NPAS2: variants seen among roughly 807,000 people sequenced by gnomAD.
NPAS2 encodes neuronal PAS domain-containing protein 2.
A neutral mutation model predicts 107.5 loss-of-function variants in NPAS2; 23 were observed. The ratio of observed to expected loss-of-function variants is 0.21; its 90% CI spans 0.15 to 0.30. The LOEUF is 0.30. Ranked by LOEUF, NPAS2 falls within the 10% of genes least tolerant of loss-of-function variation. The probability of loss-of-function intolerance (pLI) is 1.00; values close to 1 mark genes in which losing one functional copy is unlikely to be tolerated. For missense variants in NPAS2, 756 were observed against 1,043.3 expected, an observed-to-expected ratio of 0.72 and a Z score of 3.79; for synonymous variants, 403 against 417.5, an observed-to-expected ratio of 0.97 and a Z score of 0.42.
chr2:100,819,114 T>A (rs1449755997), upstream of NPAS2, among the ~76,000 whole-genome samples: 1 of 151,968 alleles, frequency 6.6e-6, no homozygotes, highest in African/African-American at 2.4e-5. This position sits in a 1 kb window ranked among gnomAD's most constrained non-coding sequence, Gnocchi z 5.8. Context: ...CTCCAGCTTC[T>A]TTTTCTTGGA....
At position 100,964,120 on chromosome 2, in the gene NPAS2, G is replaced by A; in HGVS notation, c.661G>A (p.Gly221Arg). The part of the protein sequence containing the change: ...TLSRPCRVPL[G>R]KEVCFIATVR... ...TTCAAGACCTTGCCGGGTGCCACTAGGAAAGGAGGTTTGCTTCATTGCCAC... is the reference window on the plus strand; with the variant it reads ...TTCAAGACCTTGCCGGGTGCCACTAAGAAAGGAGGTTTGCTTCATTGCCAC... Residue 221 changes from glycine (G) to arginine (R), a missense_variant, in exon 8 of 21, where the codon GGA becomes AGA. By Grantham distance (125) the Gly-to-Arg change is moderately radical (BLOSUM62 -2). Coordinates refer to ENST00000335681, the MANE Select transcript of NPAS2 (RefSeq NM_002518.4). The A allele has an allele frequency of 1.2e-6, 2 of 1,614,164 alleles. No homozygotes were observed. The highest frequency in any genetic ancestry group is 1.1e-5 in the South Asian group (1 of 91,086).
At chr2:100,867,066 CCT>C (rs1224210348) in intron 1 of NPAS2, among the ~76,000 whole-genome samples, 4 of 152,142 alleles carry the variant, frequency 2.6e-5, no homozygotes, top group Admixed American at 6.6e-5. Context: ...CTCCAAATCC[CCT>C]GTTAGGAGGA....
chr2:100,905,668 C>G (rs939088229), intron 2 of NPAS2, among the ~76,000 whole-genome samples: 1 of 152,174 alleles, frequency 6.6e-6, no homozygotes, highest in Non-Finnish European at 1.5e-5. Flanking sequence ...AGCCTCCTTG[C>G]TGTGATCTCA....
At chr2:100,918,236 A>C (rs1464806383) in intron 2 of NPAS2, among the ~76,000 whole-genome samples, 1 of 152,100 alleles carries the variant, frequency 6.6e-6, no homozygotes, top group African/African-American at 2.4e-5. Context: ...ACATCTATTC[A>C]TGAAATAAAA....
At chr2:100,854,856 C>T (rs891366570) in intron 1 of NPAS2, among the ~76,000 whole-genome samples, 11 of 152,192 alleles carry the variant, frequency 7.2e-5, no homozygotes, top group African/African-American at 2.7e-4. Flanking sequence ...CAGCTGTGCA[C>T]AGTGTGGCTA....
chr2:100,939,572 G>A (rs1674457888), intron 5 of NPAS2, among the ~76,000 whole-genome samples: 1 of 152,206 alleles, frequency 6.6e-6, no homozygotes, highest in Non-Finnish European at 1.5e-5. Context: ...TCTGAGGACA[G>A]AAGAGGAGCT....
At chr2:100,975,368 A>G (rs2105232030) in intron 13 of NPAS2, 90 bp from the exon 14 acceptor site, 1 of 1,130,702 alleles carries the variant, frequency 8.8e-7, no homozygotes, top group Non-Finnish European at 1.3e-6. Context: ...GAGCTCTTGT[A>G]CTGTGCACAC....
At chr2:100,959,110 C>CAAAAAACAA (rs755776689) in intron 7 of NPAS2, among the ~76,000 whole-genome samples, 2,175 of 69,344 alleles carry the variant, frequency 0.031, 42 homozygotes, top group African/African-American at 0.054. Flanking sequence ...AAAAAAAAAA[C>CAAAAAACAA]AAAACTAAAA....
chr2:100,957,104 A>G (rs1464133613), intron 7 of NPAS2, among the ~76,000 whole-genome samples: 1 of 152,206 alleles, frequency 6.6e-6, no homozygotes, highest in Non-Finnish European at 1.5e-5. Flanking sequence ...TTTGCCACAG[A>G]TGTTCTGGGG....
At chr2:100,851,450 C>T (rs1177820732) in intron 1 of NPAS2, among the ~76,000 whole-genome samples, 1 of 152,210 alleles carries the variant, frequency 6.6e-6, no homozygotes, top group African/African-American at 2.4e-5. Flanking sequence ...ACTCTGAATG[C>T]CGTCATTCTG....
chr2:100,971,128 C>T, intron 12 of NPAS2, 54 bp downstream of exon 12: 1 of 1,503,454 alleles, frequency 6.7e-7, no homozygotes, highest in Non-Finnish European at 9.3e-7. Flanking sequence ...GAAGAAAATG[C>T]AGCCAACCAG....
At chr2:100,900,837 A>ATTTTC (rs954330708) in intron 1 of NPAS2, among the ~76,000 whole-genome samples, 2 of 151,492 alleles carry the variant, frequency 1.3e-5, no homozygotes, top group African/African-American at 2.4e-5. Flanking sequence ...GCCGATGGTG[A>ATTTTC]TTTTCTTTTC....
At chr2:100,832,205 G>T (rs1676785885) in intron 1 of NPAS2, among the ~76,000 whole-genome samples, 1 of 152,180 alleles carries the variant, frequency 6.6e-6, no homozygotes, top group Non-Finnish European at 1.5e-5. Flanking sequence ...GAAGAACTGT[G>T]CTGATTCCTG....
chr2:100,870,062 G>A (rs939556822), intron 1 of NPAS2, among the ~76,000 whole-genome samples: 2 of 151,784 alleles, frequency 1.3e-5, no homozygotes, highest in African/African-American at 2.4e-5. Context: ...CTGCGACCAC[G>A]CCAGGCTAAT....
rs141088616 is a variant in NPAS2, at chr2:100,898,670, A to G, written c.-22-6063A>G. On this transcript the variant is annotated intron_variant, in intron 1 of 20. Transcript: ENST00000335681. ...TGTAAAGCAATGGCTCCAATTGTTAATCTGATACAGGTTCACTCATTATAT... is the reference window on the plus strand; with the variant it reads ...TGTAAAGCAATGGCTCCAATTGTTAGTCTGATACAGGTTCACTCATTATAT... 2.1e-3 allele frequency among the ~76,000 whole-genome samples: 318 copies of G among 152,314 alleles called. 4 individuals are homozygous for G. Among genetic ancestry groups the G allele is most frequent in the African/African-American group, 7.5e-3 (311 of 41,582 alleles).
chr2:100,861,720 GTCCT>G (rs1678953196), intron 1 of NPAS2, among the ~76,000 whole-genome samples: 1 of 152,216 alleles, frequency 6.6e-6, no homozygotes, highest in South Asian at 2.1e-4. Flanking sequence ...AGAAGAGTGT[GTCCT>G]TCAACTCATA....
intron 5 of NPAS2, among the ~76,000 whole-genome samples, chr2:100,942,385 C>G (rs563051056): frequency 9.2e-5 from 14 of 152,164 alleles, no homozygotes; most frequent in Admixed American, 9.2e-4. Context: ...CCACCCTGCC[C>G]TCACCTGCTG....
At chr2:100,956,443 T>A (rs13409793) in intron 7 of NPAS2, among the ~76,000 whole-genome samples, 10,636 of 152,292 alleles carry the variant, frequency 0.07, 439 homozygotes, top group South Asian at 0.11. Context: ...TAGCTCCCAC[T>A]TACCAGTGAG....
At chr2:100,882,896 G>C (rs1210456264) in intron 1 of NPAS2, among the ~76,000 whole-genome samples, 1 of 152,160 alleles carries the variant, frequency 6.6e-6, no homozygotes, top group East Asian at 1.9e-4. Flanking sequence ...TCCTCGGCTG[G>C]GCTAGGGGAG....
Sources: allele counts gnomAD v4.1 joint callset (sites outside exome capture counted in the v4.1 genomes callset), GRCh38; gene constraint gnomAD v4.1.1; non-coding constraint Gnocchi (gnomAD v3.1); transcripts MANE v1.5; gene names NCBI Gene and HGNC (gene_info 2026-07-23, HGNC 2026-07-21).